The following XRN2 variants were observed in gnomAD, a reference collection of about 807,000 sequenced individuals.
The protein encoded by XRN2 is 5'-3' exoribonuclease 2.
A neutral mutation model predicts 138.5 loss-of-function variants in XRN2; 44 were observed. The ratio of observed to expected loss-of-function variants is 0.32; its 90% CI spans 0.25 to 0.41. The LOEUF (loss-of-function observed/expected upper bound fraction) is 0.41, where lower values mean the gene tolerates loss of function less well. XRN2 is among the 10% of genes least tolerant of loss of function. XRN2 has a pLI of 1.00. For missense variants in XRN2, 937 were observed against 1,169.3 expected (o/e 0.80, Z 2.90); for synonymous variants, 354 against 369.4 (o/e 0.96, Z 0.48).
chr20:21,382,105 A>G (rs1332992605), intron 28 of XRN2, 48 bp downstream of exon 28: 5 of 1,542,446 alleles, frequency 3.2e-6, no homozygotes, highest in Non-Finnish European at 4.4e-6. Context: ...TGACACCAAC[A>G]TTTGGGGTTT....
rs566439072 is a variant in XRN2, at chr20:21,319,838, C to T, written c.76-6441C>T. ...CCACTGCAACTTTGTTTCCATCCAC[C>T]CCTTTTTGCTATTAGGGCAAATATA... On this transcript the variant is annotated intron_variant, in intron 1 of 29. Transcript: ENST00000377191. Among the ~76,000 whole-genome samples, 23 of 152,178 alleles carry T rather than the reference C, an allele frequency of 1.5e-4. No homozygotes were observed. The South Asian group carries it at 3.3e-3, about 22-fold the overall frequency.
At chr20:21,320,881 A>C (rs1475999188) in intron 1 of XRN2, among the ~76,000 whole-genome samples, 1 of 152,134 alleles carries the variant, frequency 6.6e-6, no homozygotes, top group African/African-American at 2.4e-5. Context: ...ATTTGTGCTA[A>C]CACCAGGAGG....
intron 19 of XRN2, 110 bp from the exon 20 acceptor site, chr20:21,349,279 C>T (rs1600699459): frequency 1.3e-6 from 1 of 749,176 alleles, no homozygotes; most frequent in East Asian, 2.6e-5. Context: ...AAAAGGAATG[C>T]ACTTTATTTT....
At chr20:21,363,495 ACCTTGC>A (rs1568591724) in intron 24 of XRN2, among the ~76,000 whole-genome samples, 1 of 152,172 alleles carries the variant, frequency 6.6e-6, no homozygotes, top group Admixed American at 6.5e-5. Context: ...TGCCTGTCCT[ACCTTGC>A]CCTGCCCCAT....
chr20:21,372,684 C>T (rs1361981726), intron 27 of XRN2, among the ~76,000 whole-genome samples: 1 of 151,996 alleles, frequency 6.6e-6, no homozygotes, highest in Non-Finnish European at 1.5e-5. Flanking sequence ...TGAAATGTAA[C>T]ATATGTAAAG....
Position 21,331,650 on chromosome 20 carries a change from A to G in XRN2, c.649+17A>G, listed in dbSNP as rs202837. On this transcript the variant is annotated intron_variant, in intron 7 of 29. Coordinates refer to ENST00000377191, the MANE Select transcript of XRN2 (RefSeq NM_012255.5). ...GGCAAAGAGGTAAAGCTTACTTACC[A>G]ATATTTGATTATATGTTCTATTTTT... The G allele has an allele frequency of 0.17, 276,069 of 1,606,812 alleles. 26,043 individuals are homozygous for G. The highest frequency in any genetic ancestry group is 0.19 in the Non-Finnish European group (225,531 of 1,176,918).
intron 20 of XRN2, among the ~76,000 whole-genome samples, chr20:21,353,183 ATT>A (rs1410230426): frequency 1.4e-5 from 2 of 145,352 alleles, no homozygotes; most frequent in African/African-American, 5.1e-5. Context: ...GTTTATATAT[ATT>A]TTATATATAT....
chr20:21,379,129 A>G (rs369262422), intron 27 of XRN2, among the ~76,000 whole-genome samples: 2 of 152,168 alleles, frequency 1.3e-5, no homozygotes, highest in African/African-American at 2.4e-5. Flanking sequence ...TTGAGAAGCT[A>G]TTGGCGAAGC....
intron 16 of XRN2, among the ~76,000 whole-genome samples, chr20:21,345,540 ATGT>A (rs902602575): frequency 6.6e-6 from 1 of 152,100 alleles, no homozygotes; most frequent in African/African-American, 2.4e-5. Context: ...AATCATCTTG[ATGT>A]TCTTGATCTG....
At chr20:21,379,269 A>C (rs548120802) in intron 27 of XRN2, among the ~76,000 whole-genome samples, 6 of 152,298 alleles carry the variant, frequency 3.9e-5, no homozygotes, top group African/African-American at 1.4e-4. Flanking sequence ...CTTCCTCTCA[A>C]ATGGGTCTTC....
chr20:21,388,697 T>C (rs2038959806), intron 29 of XRN2, among the ~76,000 whole-genome samples: 1 of 152,242 alleles, frequency 6.6e-6, no homozygotes, highest in Admixed American at 6.5e-5. Context: ...GTTTATCTTT[T>C]GTTATACAGA....
chr20:21,314,938 C>T (rs2037937373), intron 1 of XRN2, among the ~76,000 whole-genome samples: 1 of 152,156 alleles, frequency 6.6e-6, no homozygotes, highest in African/African-American at 2.4e-5. Flanking sequence ...ATGGGTCCCC[C>T]ATGGCTCAGG....
At chr20:21,360,962 C>T (rs938056670) in intron 24 of XRN2, among the ~76,000 whole-genome samples, 1 of 152,092 alleles carries the variant, frequency 6.6e-6, no homozygotes, top group Non-Finnish European at 1.5e-5. Context: ...CCTTTGTATG[C>T]CAATTTAGCA....
intron 27 of XRN2, among the ~76,000 whole-genome samples, chr20:21,370,947 A>G (rs2038754965): frequency 6.6e-6 from 1 of 152,210 alleles, no homozygotes; most frequent in African/African-American, 2.4e-5. Context: ...CCACAAGGGC[A>G]GCATGGGGGA....
chr20:21,331,208 A>T (rs1483242304), intron 6 of XRN2, among the ~76,000 whole-genome samples: 1 of 152,170 alleles, frequency 6.6e-6, no homozygotes, highest in African/African-American at 2.4e-5. Flanking sequence ...GTTCAGCACT[A>T]TATCCTTGCA....
chr20:21,368,083 A>G (rs1283994872), intron 26 of XRN2, among the ~76,000 whole-genome samples: 1 of 152,218 alleles, frequency 6.6e-6, no homozygotes, highest in African/African-American at 2.4e-5. Context: ...ACAGGCAAGT[A>G]TTTGATATAG....
intron 13 of XRN2, 74 bp downstream of exon 13, chr20:21,334,259 T>A: frequency 8.0e-7 from 1 of 1,243,082 alleles, no homozygotes; most frequent in Non-Finnish European, 1.2e-6. Context: ...TGATTACTTT[T>A]AATCTCTTTG....
chr20:21,375,829 T>TTTA (rs2038814857), intron 27 of XRN2, among the ~76,000 whole-genome samples: 1 of 135,904 alleles, frequency 7.4e-6, no homozygotes, highest in African/African-American at 2.7e-5. Context: ...TTTATTTATT[T>TTTA]TTTATTTATT....
chr20:21,303,679 C>T (rs770381771), intron 1 of XRN2: 22 of 1,323,592 alleles, frequency 1.7e-5, no homozygotes, highest in Non-Finnish European at 2.0e-5. Flanking sequence ...TCAGGACCCT[C>T]GGCGGGGCAA....
Sources: allele counts gnomAD v4.1 joint callset (sites outside exome capture counted in the v4.1 genomes callset), GRCh38; gene constraint gnomAD v4.1.1; transcripts MANE v1.5; gene names NCBI Gene and HGNC (gene_info 2026-07-23, HGNC 2026-07-21).